The following SPHKAP variants were observed in gnomAD, a reference collection of about 807,000 sequenced individuals.
SPHKAP encodes the protein A-kinase anchor protein SPHKAP.
SPHKAP carries 67 observed loss-of-function variants against 137.5 expected under a neutral mutation model. The ratio of observed to expected loss-of-function variants is 0.49; its 90% CI spans 0.40 to 0.60. The LOEUF (loss-of-function observed/expected upper bound fraction) is 0.60, where lower values mean the gene tolerates loss of function less well. Ranked by LOEUF, SPHKAP falls within the 20% of genes least tolerant of loss-of-function variation. SPHKAP has a pLI of 0.00. For missense variants in SPHKAP, 2,097 were observed against 2,069.3 expected, an observed-to-expected ratio of 1.01 and a Z score of -0.26; for synonymous variants, 813 against 785.3, an observed-to-expected ratio of 1.04 and a Z score of -0.59.
At chr2:228,165,560 T>C (rs528502375) in intron 1 of SPHKAP, among the ~76,000 whole-genome samples, 103 of 152,358 alleles carry the variant, frequency 6.8e-4, no homozygotes, top group African/African-American at 1.8e-3. Context: ...GTTTTTGAAA[T>C]ATTCAACTGC....
At chr2:228,013,562 G>A (rs546615681) in intron 7 of SPHKAP, among the ~76,000 whole-genome samples, 15 of 152,134 alleles carry the variant, frequency 9.9e-5, no homozygotes, top group East Asian at 1.9e-4. Flanking sequence ...TACTTCTTTC[G>A]GAAAAAATTT....
chr2:227,984,252 A>G (rs144540693), intron 11 of SPHKAP, among the ~76,000 whole-genome samples: 1 of 147,752 alleles, frequency 6.8e-6, no homozygotes, highest in Non-Finnish European at 1.5e-5. Flanking sequence ...GTGAGCTGAG[A>G]TTTCACCACT....
rs541519209 is a variant in SPHKAP at position 228,181,437 on chromosome 2, A to G, written c.32+130T>C. 2 of 1,266,008 alleles carry G rather than the reference A, an allele frequency of 1.6e-6. No homozygotes were observed. Among genetic ancestry groups the G allele is most frequent in the Non-Finnish European group, 1.2e-6 (1 of 867,354 alleles). 78.4% of individuals were successfully genotyped at this position (1,266,008 alleles called of 1,614,324 possible). ...CTGGGCCGGACTTATTTACAAGTGC[A>G]GTGACCCCTGTCTCCTCGCTGGGAG... On this transcript the variant is annotated intron_variant, in intron 1 of 11. Transcript: ENST00000392056. This position sits in a 1 kb window ranked among gnomAD's most constrained non-coding sequence, Gnocchi z 4.3.
At chr2:228,176,518 G>A (rs1394753431) in intron 1 of SPHKAP, among the ~76,000 whole-genome samples, 1 of 152,196 alleles carries the variant, frequency 6.6e-6, no homozygotes, top group African/African-American at 2.4e-5. Context: ...CAACAGGTCA[G>A]GTAACTTGCC....
chr2:228,004,137 T>C (rs753318965), intron 7 of SPHKAP, among the ~76,000 whole-genome samples: 7 of 152,236 alleles, frequency 4.6e-5, no homozygotes, highest in Non-Finnish European at 1.0e-4. Context: ...AAAAGATTGG[T>C]ACCAGCTCCT....
chr2:228,099,858 T>C (rs942933382), intron 3 of SPHKAP, among the ~76,000 whole-genome samples: 1 of 150,682 alleles, frequency 6.6e-6, no homozygotes, highest in African/African-American at 2.4e-5. Context: ...TTTTTTTGTT[T>C]GTTTTTTTTG....
intron 2 of SPHKAP, among the ~76,000 whole-genome samples, chr2:228,115,217 T>C (rs573620917): frequency 6.6e-6 from 1 of 152,266 alleles, no homozygotes; most frequent in African/African-American, 2.4e-5. Context: ...AATTACCACC[T>C]GGAGGGATGA....
chr2:228,028,521 G>A (rs1229246866), intron 3 of SPHKAP, among the ~76,000 whole-genome samples: 1 of 152,196 alleles, frequency 6.6e-6, no homozygotes, highest in Non-Finnish European at 1.5e-5. Context: ...GTCAAGAACT[G>A]ATCACATATA....
rs1694707136 is a variant in SPHKAP at position 228,018,608 on chromosome 2, G to A, written c.2246C>T (p.Pro749Leu). The A allele has an allele frequency of 6.2e-7, 1 of 1,613,978 alleles. No individual in the cohort carries two copies. Among genetic ancestry groups the A allele is most frequent in the South Asian group, 1.1e-5 (1 of 91,066 alleles). ...KETIRRRETEPSCQPSDPGAS... is the reference protein window; with the variant it reads ...KETIRRRETELSCQPSDPGAS... ...ACCCGGATCAGATGGCTGGCAGCTT[G>A]GTTCTGTCTCCCTCCTTCTGATGGT... The change falls in exon 7 of 12, where the codon CCA becomes CTA. Residue 749 changes from proline to leucine, a missense_variant. Physicochemically the swap from Pro to Leu is moderately conservative, Grantham distance 98. Coordinates refer to ENST00000392056, the MANE Select transcript of SPHKAP (RefSeq NM_001142644.2).
intron 1 of SPHKAP, among the ~76,000 whole-genome samples, chr2:228,160,882 G>A (rs945839030): frequency 2.0e-5 from 3 of 152,128 alleles, no homozygotes; most frequent in Non-Finnish European, 2.9e-5. Flanking sequence ...GCGCTCACAG[G>A]TAAACTTGGC....
chr2:228,152,865 C>T (rs1699977715), intron 1 of SPHKAP, among the ~76,000 whole-genome samples: 1 of 152,074 alleles, frequency 6.6e-6, no homozygotes, highest in South Asian at 2.1e-4. Context: ...TTGGCTGTGT[C>T]CCCACCCAAA....
chr2:227,983,030 G>A (rs1693058004), intron 11 of SPHKAP, among the ~76,000 whole-genome samples: 1 of 152,124 alleles, frequency 6.6e-6, no homozygotes, highest in East Asian at 1.9e-4. Flanking sequence ...TTTAGGAGGA[G>A]GAGAGCCTTA....
intron 3 of SPHKAP, among the ~76,000 whole-genome samples, chr2:228,090,306 G>C (rs543972775): frequency 6.6e-6 from 1 of 152,058 alleles, no homozygotes; most frequent in Non-Finnish European, 1.5e-5. Flanking sequence ...CCCTTCTTTT[G>C]GACAATTTCT....
intron 1 of SPHKAP, among the ~76,000 whole-genome samples, chr2:228,150,912 G>C (rs891130779): frequency 6.6e-6 from 1 of 151,756 alleles, no homozygotes; most frequent in African/African-American, 2.4e-5. Context: ...ACCATGCATA[G>C]ATAGTTTATT....
intron 1 of SPHKAP, among the ~76,000 whole-genome samples, chr2:228,161,104 C>T (rs1700260223): frequency 6.6e-6 from 1 of 152,160 alleles, no homozygotes; most frequent in African/African-American, 2.4e-5. Flanking sequence ...CTGTGAGGCA[C>T]TGATACTTAG....
intron 1 of SPHKAP, among the ~76,000 whole-genome samples, chr2:228,164,991 T>G (rs958970602): frequency 6.6e-6 from 1 of 152,246 alleles, no homozygotes; most frequent in African/African-American, 2.4e-5. Flanking sequence ...ACTCTACTTG[T>G]GTTCATTATT....
chr2:227,992,988 C>G (rs1049688916), intron 9 of SPHKAP, among the ~76,000 whole-genome samples: 1 of 152,076 alleles, frequency 6.6e-6, no homozygotes. Context: ...TATGTACTTC[C>G]TAAAAGTACC....
rs375911057 is a variant in SPHKAP, at chr2:228,020,075, T to C, written c.779A>G (p.Asn260Ser). ...CAAAGCATAAAGCCACTTTTCCTTG[T>C]TGCAATTCCATTCCACCTGGGTGGC... ...KGATQVEWNCNKEKWLYALED... is the reference protein window; with the variant it reads ...KGATQVEWNCSKEKWLYALED... The change falls in exon 7 of 12, where the codon AAC becomes AGC. Residue 260 changes from asparagine (N) to serine (S), a missense_variant. By Grantham distance (46) the Asn-to-Ser change is conservative. Coordinates refer to ENST00000392056, the MANE Select transcript of SPHKAP (RefSeq NM_001142644.2). 3.7e-6 allele frequency: 6 copies of C among 1,614,230 alleles called. No individual in the cohort carries two copies. The highest frequency in any genetic ancestry group is 5.1e-6 in the Non-Finnish European group (6 of 1,180,036).
At chr2:228,046,072 C>T (rs369676000) in intron 3 of SPHKAP, among the ~76,000 whole-genome samples, 1 of 151,960 alleles carries the variant, frequency 6.6e-6, no homozygotes. Flanking sequence ...GCCTTCATCC[C>T]ACCCCCTACA....
Sources: allele counts gnomAD v4.1 joint callset (sites outside exome capture counted in the v4.1 genomes callset), GRCh38; gene constraint gnomAD v4.1.1; non-coding constraint Gnocchi (gnomAD v3.1); transcripts MANE v1.5; gene names NCBI Gene and HGNC (gene_info 2026-07-23, HGNC 2026-07-21).